Variants in CDYL observed in about 807,000 individuals in gnomAD.
CDYL encodes the protein chromodomain Y like.
In CDYL, 8 loss-of-function variants were observed where a neutral mutation model predicts 47.3. The observed-to-expected ratio is 0.17, with a 90% CI of 0.10 to 0.31. The LOEUF (loss-of-function observed/expected upper bound fraction) is 0.31. CDYL is among the 10% of genes least tolerant of loss of function. The pLI is 1.00. For synonymous variants in CDYL, 266 were observed against 265.0 expected (o/e 1.00, Z -0.04); for missense variants, 471 against 701.4 (o/e 0.67, Z 3.71).
chr6:4,715,239 C>T (rs78112681), intron 1 of CDYL, among the ~76,000 whole-genome samples: 6 of 152,252 alleles, frequency 3.9e-5, no homozygotes, highest in Admixed American at 1.3e-4. Context: ...TTGTATAAGA[C>T]GTCAGTTATG....
At chr6:4,772,973 A>G (rs1056982356), upstream of CDYL, 1 of 372,286 alleles carries the variant, frequency 2.7e-6, no homozygotes, top group African/African-American at 2.1e-5. Context: ...AGAAAGGAAG[A>G]CATGCCTGGT....
chr6:4,723,916 G>T (rs967126582), intron 2 of CDYL, among the ~76,000 whole-genome samples: 2 of 152,196 alleles, frequency 1.3e-5, no homozygotes, highest in African/African-American at 4.8e-5. Context: ...ATTCCTTATG[G>T]CTCCTGATCT....
chr6:4,917,103 C>A (rs1757578504), intron 2 of CDYL, among the ~76,000 whole-genome samples: 1 of 152,162 alleles, frequency 6.6e-6, no homozygotes, highest in Non-Finnish European at 1.5e-5. Context: ...TGTAACCTGC[C>A]CTGTCTTATC....
chr6:4,819,152 CTCTCTCTCTCTGTG>C (rs1428685601), intron 1 of CDYL, among the ~76,000 whole-genome samples: 29 of 138,386 alleles, frequency 2.1e-4, no homozygotes, highest in African/African-American at 8.8e-4. Flanking sequence ...CTCTCTCTCT[CTCTCTCTCTCTGTG>C]TGTGTGTGTG....
intron 1 of CDYL, among the ~76,000 whole-genome samples, chr6:4,801,894 G>A (rs1759236391): frequency 6.6e-6 from 1 of 152,114 alleles, no homozygotes. Flanking sequence ...TTTTCACCGT[G>A]CTGCTTGTGG....
chr6:4,707,827 T>C (rs887672042), intron 1 of CDYL, among the ~76,000 whole-genome samples: 1 of 152,228 alleles, frequency 6.6e-6, no homozygotes, highest in Non-Finnish European at 1.5e-5. Context: ...TTAATTAATG[T>C]ATTTAAGACT....
At chr6:4,921,120 C>T (rs1313322340) in intron 2 of CDYL, among the ~76,000 whole-genome samples, 1 of 152,096 alleles carries the variant, frequency 6.6e-6, no homozygotes, top group Non-Finnish European at 1.5e-5. Flanking sequence ...AAGGGAAGGT[C>T]AGTTTCAGCT....
chr6:4,949,197 A>G (rs1229558875), intron 5 of CDYL, among the ~76,000 whole-genome samples: 1 of 152,152 alleles, frequency 6.6e-6, no homozygotes, highest in Non-Finnish European at 1.5e-5. Context: ...TGCATGGAGG[A>G]TGGCACGGTC....
chr6:4,735,575 C>A (rs994263426), intron 3 of CDYL, among the ~76,000 whole-genome samples: 9 of 151,944 alleles, frequency 5.9e-5, no homozygotes, highest in Non-Finnish European at 1.2e-4. Flanking sequence ...ACCAGCCTGG[C>A]CAACATGGTG....
intron 2 of CDYL, among the ~76,000 whole-genome samples, chr6:4,904,296 C>T (rs1477880257): frequency 3.9e-5 from 6 of 152,314 alleles, no homozygotes; most frequent in East Asian, 1.9e-4. Context: ...GTAATTACCC[C>T]GATATAGTGA....
chr6:4,846,206 T>A (rs1056510822), intron 1 of CDYL, among the ~76,000 whole-genome samples: 11 of 150,164 alleles, frequency 7.3e-5, no homozygotes, highest in Non-Finnish European at 1.2e-4. Context: ...AAAAGGTGGA[T>A]ATGGCTATTT....
chr6:4,817,995 G>A (rs1759720899), intron 1 of CDYL, among the ~76,000 whole-genome samples: 1 of 152,118 alleles, frequency 6.6e-6, no homozygotes, highest in South Asian at 2.1e-4. Context: ...AGTGGCTCAC[G>A]CCTGTAATCC....
intron 1 of CDYL, among the ~76,000 whole-genome samples, chr6:4,866,781 A>G (rs965440250): frequency 3.9e-5 from 6 of 152,124 alleles, no homozygotes; most frequent in African/African-American, 1.2e-4. Flanking sequence ...AGACCATTCA[A>G]TAAATGAATG....
At chr6:4,724,098 G>A (rs1029585368) in intron 2 of CDYL, among the ~76,000 whole-genome samples, 4 of 152,136 alleles carry the variant, frequency 2.6e-5, no homozygotes, top group African/African-American at 4.8e-5. Flanking sequence ...TGGAGTGCAG[G>A]GGCATGATCT....
chr6:4,895,666 C>G (rs893423884), intron 2 of CDYL, among the ~76,000 whole-genome samples: 1 of 152,044 alleles, frequency 6.6e-6, no homozygotes. Context: ...TGGTTGGAGA[C>G]CACCTCCAAT....
chr6:4,791,238 A>G (rs1758908801), intron 1 of CDYL, among the ~76,000 whole-genome samples: 1 of 152,176 alleles, frequency 6.6e-6, no homozygotes, highest in East Asian at 1.9e-4. Context: ...AGGCTCAGAG[A>G]GATGTGGAAA....
intron 1 of CDYL, among the ~76,000 whole-genome samples, chr6:4,856,686 C>T (rs1301286758): frequency 6.6e-6 from 1 of 152,000 alleles, no homozygotes; most frequent in Non-Finnish European, 1.5e-5. Flanking sequence ...AGAAGAGAGC[C>T]CAGGATGGCC....
chr6:4,768,910 C>G (rs750295854), intron 3 of CDYL, among the ~76,000 whole-genome samples: 1 of 152,126 alleles, frequency 6.6e-6, no homozygotes, highest in Non-Finnish European at 1.5e-5. Flanking sequence ...TGGTCTTCCT[C>G]CCCCAAACAC....
chr6:4,829,811 A>G (rs547157448), intron 1 of CDYL, among the ~76,000 whole-genome samples: 2 of 152,352 alleles, frequency 1.3e-5, no homozygotes, highest in African/African-American at 2.4e-5. Flanking sequence ...TTATTTGTGA[A>G]TAAGGTTGGC....
Sources: gnomAD v4.1 joint callset for allele counts (sites outside exome capture counted in the v4.1 genomes callset) on GRCh38, gnomAD v4.1.1 for gene constraint, MANE v1.5 for transcripts, NCBI Gene and HGNC (gene_info 2026-07-23, HGNC 2026-07-21) for gene names.